AP3B1: variants seen among roughly 807,000 people sequenced by gnomAD.
AP3B1 encodes adaptor related protein complex 3 subunit beta 1.
In AP3B1, 61 loss-of-function variants were observed where a neutral mutation model predicts 132.5. The ratio of observed to expected loss-of-function variants is 0.46; its 90% CI spans 0.37 to 0.57. The LOEUF (loss-of-function observed/expected upper bound fraction) is 0.57, where lower values mean the gene tolerates loss of function less well. Ranked by LOEUF, AP3B1 falls within the 20% of genes least tolerant of loss-of-function variation. AP3B1 has a pLI of 0.00. For synonymous variants in AP3B1, 388 were observed against 438.3 expected, an observed-to-expected ratio of 0.89 and a Z score of 1.43; for missense variants, 1,120 against 1,289.4, an observed-to-expected ratio of 0.87 and a Z score of 2.01.
At position 78,177,429 on chromosome 5, in the gene AP3B1, A is replaced by G; in HGVS notation, c.950T>C (p.Met317Thr). The change falls in exon 9 of 27, where the codon ATG (methionine) becomes ACG (threonine). Residue 317 changes from methionine (M) to threonine (T), a missense_variant. By Grantham distance (81) the Met-to-Thr change is moderately conservative (BLOSUM62 -1). Coordinates refer to ENST00000255194, the MANE Select transcript of AP3B1 (RefSeq NM_003664.5). Reference sequence around the variant, plus strand: ...GTGCCAATACAGCTGAGCAACTGCCATAACCACCTACAAGATAAAGCATAA... The same window carrying G: ...GTGCCAATACAGCTGAGCAACTGCCGTAACCACCTACAAGATAAAGCATAA... ...LLQSRNAAVV[M>T]AVAQLYWHIS... 1 of 1,612,668 alleles carries G rather than the reference A, an allele frequency of 6.2e-7. No individual in the cohort carries two copies. Among genetic ancestry groups the G allele is most frequent in the Admixed American group, 1.7e-5 (1 of 60,022 alleles).
chr5:78,054,223 C>A (rs1205937939), intron 22 of AP3B1, among the ~76,000 whole-genome samples: 3 of 152,116 alleles, frequency 2.0e-5, no homozygotes, highest in Non-Finnish European at 2.9e-5. Flanking sequence ...TAGAATTGAA[C>A]AGATCAAGAG....
At chr5:78,286,885 C>T (rs114886940) in intron 1 of AP3B1, among the ~76,000 whole-genome samples, 1 of 152,164 alleles carries the variant, frequency 6.6e-6, no homozygotes, top group East Asian at 1.9e-4. Context: ...CAACGTTATT[C>T]ATAATAATAT....
intron 3 of AP3B1, among the ~76,000 whole-genome samples, chr5:78,233,237 C>CT (rs71613940): frequency 0.068 from 9,450 of 139,248 alleles, 500 homozygotes; most frequent in East Asian, 0.13. Flanking sequence ...TTTCTTTTTT[C>CT]TTTTTTTTTT....
chr5:78,133,976 C>T (rs1218102859), intron 15 of AP3B1, among the ~76,000 whole-genome samples: 3 of 151,190 alleles, frequency 2.0e-5, no homozygotes, highest in Non-Finnish European at 2.9e-5. Flanking sequence ...ACAGTGAAAC[C>T]CCATCTCTAC....
In AP3B1 at chr5:78,175,659, C is replaced by T; in HGVS notation, c.1134G>A (p.Arg378=). The T allele has an allele frequency of 6.2e-7, 1 of 1,613,418 alleles. No homozygotes were observed. Among genetic ancestry groups the T allele is most frequent in the South Asian group, 1.1e-5 (1 of 91,054 alleles). ...TCTTGATCATAGTTGGATCAGTTGA[C>T]CTAACATAGAAACTCTTCAGATAAG... The part of the protein sequence containing the change: ...FEPYLKSFYV[R]STDPTMIKTL... The change falls in exon 11 of 27, where the codon AGG becomes AGA. Residue 378 remains arginine (R), a synonymous_variant. Transcript: ENST00000255194.
At chr5:78,044,979 G>T (rs928378519) in intron 22 of AP3B1, among the ~76,000 whole-genome samples, 3 of 152,084 alleles carry the variant, frequency 2.0e-5, no homozygotes, top group African/African-American at 7.2e-5. Context: ...ACCTCCAAAG[G>T]TTATCTGTGA....
At chr5:78,177,786 A>T (rs1744210576) in intron 8 of AP3B1, among the ~76,000 whole-genome samples, 1 of 152,218 alleles carries the variant, frequency 6.6e-6, no homozygotes. Flanking sequence ...GGAGATAATT[A>T]GTGTGATACA....
intron 25 of AP3B1, among the ~76,000 whole-genome samples, chr5:78,019,548 C>T (rs1344053841): frequency 1.3e-5 from 2 of 152,080 alleles, no homozygotes; most frequent in Non-Finnish European, 2.9e-5. Flanking sequence ...AGAATCAATT[C>T]AATTTGTCAA....
chr5:78,026,001 CA>C (rs1747326733), intron 24 of AP3B1, among the ~76,000 whole-genome samples: 1 of 152,160 alleles, frequency 6.6e-6, no homozygotes, highest in African/African-American at 2.4e-5. Flanking sequence ...GGATGTCCTC[CA>C]GTTTATAAGC....
At chr5:78,164,084 C>G (rs1223733743) in intron 12 of AP3B1, among the ~76,000 whole-genome samples, 1 of 151,954 alleles carries the variant, frequency 6.6e-6, no homozygotes, top group Non-Finnish European at 1.5e-5. Flanking sequence ...TAATTAAACT[C>G]TCCTAGTTCC....
At chr5:78,027,561 C>G (rs1747388187) in intron 24 of AP3B1, among the ~76,000 whole-genome samples, 1 of 151,798 alleles carries the variant, frequency 6.6e-6, no homozygotes, top group South Asian at 2.1e-4. Context: ...AGAAGTTTGT[C>G]AAGTTTCTTG....
intron 24 of AP3B1, among the ~76,000 whole-genome samples, chr5:78,032,653 C>T (rs887185356): frequency 1.3e-5 from 2 of 151,724 alleles, no homozygotes; most frequent in Non-Finnish European, 2.9e-5. Flanking sequence ...GGATCAATTA[C>T]ATTTGATGCA....
At chr5:78,038,942 C>G in intron 23 of AP3B1, 101 bp downstream of exon 23, 2 of 724,694 alleles carry the variant, frequency 2.8e-6, no homozygotes, top group Non-Finnish European at 4.5e-6. Flanking sequence ...CAATCATATT[C>G]TACTTTACTA....
At chr5:78,230,184 T>A (rs977341743) in intron 3 of AP3B1, among the ~76,000 whole-genome samples, 2 of 152,242 alleles carry the variant, frequency 1.3e-5, no homozygotes, top group African/African-American at 2.4e-5. Flanking sequence ...GGAATTTTTT[T>A]AAAATTATTT....
At chr5:78,171,061 T>A (rs1743891852) in intron 11 of AP3B1, among the ~76,000 whole-genome samples, 1 of 152,194 alleles carries the variant, frequency 6.6e-6, no homozygotes, top group South Asian at 2.1e-4. Context: ...TGGTGTTATT[T>A]CTGAGACTTC....
chr5:78,070,148 T>A (rs1476522362), intron 22 of AP3B1, among the ~76,000 whole-genome samples: 1 of 152,166 alleles, frequency 6.6e-6, no homozygotes, highest in Non-Finnish European at 1.5e-5. Flanking sequence ...GGCTCACACC[T>A]GCAATCCCAG....
chr5:78,265,504 G>T (rs1047436224), intron 2 of AP3B1, among the ~76,000 whole-genome samples: 2 of 152,094 alleles, frequency 1.3e-5, no homozygotes, highest in African/African-American at 4.8e-5. Context: ...AACAGAACTT[G>T]TTCTCTTATC....
intron 24 of AP3B1, among the ~76,000 whole-genome samples, chr5:78,031,761 C>A (rs1477897018): frequency 6.6e-6 from 1 of 152,150 alleles, no homozygotes; most frequent in East Asian, 1.9e-4. Context: ...TGTTTATCTG[C>A]TCCTATTTGT....
chr5:78,279,907 A>AATAT (rs55881507), intron 1 of AP3B1, among the ~76,000 whole-genome samples: 1,411 of 114,316 alleles, frequency 0.012, 14 homozygotes, highest in Middle Eastern at 0.024. Flanking sequence ...ATATGACTTA[A>AATAT]ATATATATAT....
Sources: allele counts gnomAD v4.1 joint callset (sites outside exome capture counted in the v4.1 genomes callset), GRCh38; gene constraint gnomAD v4.1.1; transcripts MANE v1.5; gene names NCBI Gene and HGNC (gene_info 2026-07-23, HGNC 2026-07-21).